Variants in EPB41L3 observed in about 807,000 individuals in gnomAD.
EPB41L3 encodes the protein erythrocyte membrane protein band 4.1 like 3, also known as band 4.1-like protein 3.
In EPB41L3, 57 loss-of-function variants were observed where a neutral mutation model predicts 127.1. That is an observed-to-expected ratio of 0.45 (90% CI 0.36 to 0.56). The LOEUF is 0.56. Among genes scored for constraint, EPB41L3 ranks in the 20% least tolerant of loss-of-function variants. EPB41L3 has a pLI of 0.00. For missense variants in EPB41L3, 1,273 were observed against 1,372.2 expected (o/e 0.93, Z 1.14); for synonymous variants, 572 against 549.5 (o/e 1.04, Z -0.57).
intron 1 of EPB41L3, among the ~76,000 whole-genome samples, chr18:5,535,923 T>C (rs949143657): frequency 6.6e-6 from 1 of 152,184 alleles, no homozygotes; most frequent in Non-Finnish European, 1.5e-5. Context: ...ATATTTTCCA[T>C]CTCTGGGAGC....
At chr18:5,592,378 G>A (rs946927014) in intron 3 of EPB41L3, among the ~76,000 whole-genome samples, 1 of 152,130 alleles carries the variant, frequency 6.6e-6, no homozygotes, top group African/African-American at 2.4e-5. Flanking sequence ...TGTTGGTCAG[G>A]CTGGTTTCGA....
At chr18:5,618,863 C>T (rs2094828437) in intron 1 of EPB41L3, among the ~76,000 whole-genome samples, 1 of 152,176 alleles carries the variant, frequency 6.6e-6, no homozygotes, top group Non-Finnish European at 1.5e-5. Flanking sequence ...TCACAAACAT[C>T]CTGTTTGGTG....
intron 3 of EPB41L3, among the ~76,000 whole-genome samples, chr18:5,574,609 T>C (rs1355976421): frequency 2.0e-5 from 3 of 152,122 alleles, no homozygotes; most frequent in African/African-American, 7.2e-5. Context: ...GCTTTCCTTC[T>C]TGGAATCTGA....
intron 3 of EPB41L3, among the ~76,000 whole-genome samples, chr18:5,581,606 T>C (rs1392385676): frequency 6.6e-6 from 1 of 152,230 alleles, no homozygotes; most frequent in Non-Finnish European, 1.5e-5. Flanking sequence ...AAAAGGTGAA[T>C]GTGAGCCTTC....
At chr18:5,607,519 A>G (rs987329934) in intron 3 of EPB41L3, among the ~76,000 whole-genome samples, 1 of 152,212 alleles carries the variant, frequency 6.6e-6, no homozygotes, top group Non-Finnish European at 1.5e-5. Context: ...GGAATTACCT[A>G]TTAGAGAAGG....
intron 3 of EPB41L3, among the ~76,000 whole-genome samples, chr18:5,592,325 C>T (rs1312551858): frequency 6.6e-6 from 1 of 152,098 alleles, no homozygotes; most frequent in African/African-American, 2.4e-5. Flanking sequence ...TGCCACCATG[C>T]CTGGCTAATT....
At chr18:5,487,082 C>A (rs1339623862) in intron 2 of EPB41L3, among the ~76,000 whole-genome samples, 5 of 152,078 alleles carry the variant, frequency 3.3e-5, no homozygotes, top group Non-Finnish European at 7.3e-5. Context: ...ACCTAAGTGC[C>A]CATCAACAGA....
chr18:5,455,884 A>G (rs2082980616), intron 3 of EPB41L3, among the ~76,000 whole-genome samples: 1 of 151,790 alleles, frequency 6.6e-6, no homozygotes, highest in African/African-American at 2.4e-5. Flanking sequence ...AAATGAACGC[A>G]GAAAAGGAAG....
At chr18:5,573,076 C>T (rs781350703) in intron 3 of EPB41L3, among the ~76,000 whole-genome samples, 8 of 152,262 alleles carry the variant, frequency 5.3e-5, no homozygotes, top group Non-Finnish European at 2.9e-5. Context: ...TCTACGGTCA[C>T]GTCTAAGGAA....
Position 5,515,938 on chromosome 18 carries a change from C to A in EPB41L3, c.-11-26744G>T, listed in dbSNP as rs150153628. On this transcript the variant is annotated intron_variant, in intron 1 of 22. Transcript: ENST00000341928. ...GAGAGGGAAGCCTGTGCACACAGAT[C>A]CTCCTCACTCAACCTCAGGAAGTCA... 6.9e-3 allele frequency among the ~76,000 whole-genome samples: 1,058 copies of A among 152,304 alleles called. 17 individuals carry two copies. Among genetic ancestry groups the A allele is most frequent in the African/African-American group, 0.025 (1,022 of 41,562 alleles).
chr18:5,567,398 G>C (rs1215169378), intron 3 of EPB41L3: 1 of 152,206 alleles, frequency 6.6e-6, no homozygotes, highest in African/African-American at 2.4e-5. Flanking sequence ...CACTGAGGTA[G>C]ATACATTTTA....
chr18:5,541,253 A>AG lies in EPB41L3; in HGVS notation c.-12+2659_-12+2660insC, dbSNP rs1491503158. On this transcript the variant is annotated intron_variant, in intron 1 of 22. Transcript: ENST00000341928. ...GGGTGACACAGAAGGACTCCATCTCAAAAAAAAAAAAAAAAAAAAAAAAAG... is the reference window on the plus strand; with the variant it reads ...GGGTGACACAGAAGGACTCCATCTCAGAAAAAAAAAAAAAAAAAAAAAAAAG... 2.3e-4 allele frequency among the ~76,000 whole-genome samples: 4 copies of AG among 17,268 alleles called. No homozygotes were observed. In the Admixed American group the frequency reaches 2.8e-3, roughly 12 times the overall value. 11.3% of individuals were successfully genotyped at this position (17,268 alleles called of 152,430 possible). A position where few individuals can be genotyped will look rare whatever the true frequency, so the allele number is the denominator to read the frequency against.
At chr18:5,628,979 G>C (rs1365078527) in exon 1 of EPB41L3, 1 of 152,214 alleles carries the variant, frequency 6.6e-6, no homozygotes, top group East Asian at 1.9e-4. Context: ...CTTCTGAGCA[G>C]GACGCGCCAA....
chr18:5,448,958 T>A (rs1032492163), intron 3 of EPB41L3, among the ~76,000 whole-genome samples: 3 of 152,210 alleles, frequency 2.0e-5, no homozygotes, highest in African/African-American at 7.2e-5. Flanking sequence ...TTTTTACATT[T>A]TTTCTTTAAT....
intron 6 of EPB41L3, among the ~76,000 whole-genome samples, chr18:5,434,736 C>T: frequency 6.6e-6 from 1 of 152,330 alleles, no homozygotes; most frequent in Admixed American, 6.5e-5. Flanking sequence ...ATGTGCAGAA[C>T]TTAATACTTG....
rs2076776564 is a variant in EPB41L3 at position 5,416,089 on chromosome 18, A to AGGGAG, written c.1791_1795dup (p.Leu599ProfsTer4). Reference sequence around the variant, plus strand: ...AGAGAGGTATCCATCATCATCTAGGAGGGAGGGGAATGACTCAGGGAGCTG... The same window carrying AGGGAG: ...AGAGAGGTATCCATCATCATCTAGGAGGGAGGGGAGGGGAATGACTCAGGGAGCTG... On this transcript the variant is annotated frameshift_variant, in exon 13 of 23. Transcript: ENST00000341928. LOFTEE classifies it high-confidence loss of function. 6.2e-7 allele frequency: 1 copy of AGGGAG among 1,612,436 alleles called. No individual in the cohort carries two copies. Among genetic ancestry groups the AGGGAG allele is most frequent in the Non-Finnish European group, 8.5e-7 (1 of 1,178,970 alleles).
intron 1 of EPB41L3, among the ~76,000 whole-genome samples, chr18:5,517,994 T>C (rs560847082): frequency 1.3e-5 from 2 of 152,248 alleles, no homozygotes; most frequent in South Asian, 4.1e-4. Flanking sequence ...GCTCTAGATA[T>C]TGTCACCAGC....
At chr18:5,587,670 C>T (rs1380902468) in intron 3 of EPB41L3, among the ~76,000 whole-genome samples, 1 of 152,148 alleles carries the variant, frequency 6.6e-6, no homozygotes, top group Non-Finnish European at 1.5e-5. Flanking sequence ...GCTTCTGTTA[C>T]TTACATGACA....
In EPB41L3 at chr18:5,397,445, T is replaced by C; in HGVS notation, c.2473-19A>G. ...CCATTTTCTGCATGGGAAGAGATTG[T>C]GGCATCAGTGTGACCATCCATAAAC... On this transcript the variant is annotated intron_variant, in intron 17 of 22. Transcript: ENST00000341928. This position sits in a 1 kb window ranked among gnomAD's most constrained non-coding sequence, Gnocchi z 4.1. 2.5e-6 allele frequency: 4 copies of C among 1,591,034 alleles called. No homozygotes were observed. Among genetic ancestry groups the C allele is most frequent in the Non-Finnish European group, 3.4e-6 (4 of 1,167,872 alleles).
Sources: allele counts gnomAD v4.1 joint callset (sites outside exome capture counted in the v4.1 genomes callset), GRCh38; gene constraint gnomAD v4.1.1; non-coding constraint Gnocchi (gnomAD v3.1); transcripts MANE v1.5; gene names NCBI Gene and HGNC (gene_info 2026-07-23, HGNC 2026-07-21).